The following UCMA variants were observed in gnomAD, a reference collection of about 807,000 sequenced individuals.
The protein encoded by UCMA is upper zone of growth plate and cartilage matrix-associated protein.
UCMA carries 21 observed loss-of-function variants against 21.8 expected under a neutral mutation model. That is an observed-to-expected ratio of 0.97 (90% CI 0.68 to 1.39). UCMA has a LOEUF of 1.39. UCMA is among the 40% of genes most tolerant of loss of function. The pLI is 0.00. For missense variants in UCMA, 193 were observed against 178.9 expected (o/e 1.08, Z -0.45); for synonymous variants, 76 against 67.9 (o/e 1.12, Z -0.58).
At position 13,229,657 on chromosome 10, in the gene UCMA, C is replaced by T; in HGVS notation, c.273G>A (p.Glu91=). The T allele has an allele frequency of 6.2e-7, 1 of 1,614,086 alleles. No homozygotes were observed. Among genetic ancestry groups the T allele is most frequent in the Non-Finnish European group, 8.5e-7 (1 of 1,180,038 alleles). The change falls in exon 4 of 5, where the codon GAG becomes GAA. Residue 91 remains glutamate (E), a synonymous_variant. Coordinates refer to ENST00000378681, the MANE Select transcript of UCMA (RefSeq NM_145314.3). ...AGTTCTCAAATTCATTCCTTTGTTC[C>T]TCGTAATATTCTCTCCGCAGCTCAT... is the stretch of plus-strand genomic sequence containing the variant. ...RVDELRREYY[E]EQRNEFENFV... is the part of the protein sequence containing the mutation.
At chr10:13,227,345 C>A (rs769145174) in intron 4 of UCMA, among the ~76,000 whole-genome samples, 4 of 152,190 alleles carry the variant, frequency 2.6e-5, no homozygotes, top group Non-Finnish European at 5.9e-5. Context: ...GGCCTCACGT[C>A]CAAGTTCACG....
At chr10:13,225,758 G>T (rs1466939108) in intron 4 of UCMA, among the ~76,000 whole-genome samples, 5 of 152,048 alleles carry the variant, frequency 3.3e-5, no homozygotes, top group African/African-American at 1.2e-4. Flanking sequence ...GTATGTCAGG[G>T]GCCTCAGGGG....
rs751883889 is a variant in UCMA at position 13,233,552 on chromosome 10, C to G, written c.206G>C (p.Arg69Thr). Residue 69 changes from arginine (R) to threonine (T), a missense_variant, in exon 3 of 5, where the codon AGA becomes ACA. Transcript: ENST00000378681. ...AGCATCCTTACCATTGACCTCATCT[C>G]TGGACTTGGGGGACCGCTTGCCGCG... Reference protein sequence around the residue: ...KRRGKRSPKSRDEVNVENRQK... With the variant: ...KRRGKRSPKSTDEVNVENRQK... 2 of 1,613,946 alleles carry G rather than the reference C, an allele frequency of 1.2e-6. No homozygotes were observed. The highest frequency in any genetic ancestry group is 3.3e-5 in the Admixed American group (2 of 59,980).
chr10:13,234,115 G>C, intron 1 of UCMA, 86 bp downstream of exon 1: 1 of 1,315,578 alleles, frequency 7.6e-7, no homozygotes, highest in East Asian at 2.5e-5. Flanking sequence ...CTTTCTACCT[G>C]CATCACCTGA....
At chr10:13,231,258 G>A (rs1834896295) in intron 3 of UCMA, among the ~76,000 whole-genome samples, 1 of 152,136 alleles carries the variant, frequency 6.6e-6, no homozygotes, top group South Asian at 2.1e-4. Context: ...GACCTACTTA[G>A]TTGCAGGAAA....
chr10:13,234,131 C>G (rs1834938470), intron 1 of UCMA, 70 bp downstream of exon 1: 1 of 1,471,752 alleles, frequency 6.8e-7, no homozygotes, highest in Non-Finnish European at 9.2e-7. Flanking sequence ...CCTGAGCAGC[C>G]TTACCTGTGC....
At chr10:13,231,034 G>A (rs908614885) in intron 3 of UCMA, among the ~76,000 whole-genome samples, 6 of 151,530 alleles carry the variant, frequency 4.0e-5, no homozygotes, top group African/African-American at 9.7e-5. Flanking sequence ...GCAACAGAGC[G>A]AGACTCTGTC....
intron 4 of UCMA, among the ~76,000 whole-genome samples, chr10:13,224,330 A>C (rs1834796542): frequency 7.0e-6 from 1 of 143,854 alleles, no homozygotes; most frequent in South Asian, 2.6e-4. Context: ...CATCTAAAAA[A>C]GAAAGAAAGG....
At chr10:13,232,099 C>T (rs189731664) in intron 3 of UCMA, among the ~76,000 whole-genome samples, 71 of 152,176 alleles carry the variant, frequency 4.7e-4, no homozygotes, top group African/African-American at 1.6e-3. Context: ...AGAGGCCATG[C>T]GCGGTGGCTC....
chr10:13,233,479 C>CG, intron 3 of UCMA, 59 bp downstream of exon 3: 4 of 1,394,108 alleles, frequency 2.9e-6, no homozygotes, highest in Non-Finnish European at 4.0e-6. Flanking sequence ...GAGGAGGAGC[C>CG]GGGGGGTGTG....
intron 4 of UCMA, 64 bp from the exon 5 acceptor site, chr10:13,222,264 C>T (rs1260066735): frequency 1.3e-6 from 2 of 1,492,478 alleles, no homozygotes; most frequent in Non-Finnish European, 1.8e-6. Context: ...CTGAGCCCAG[C>T]AGCCATCAGC....
rs1368178237 is a variant in UCMA at position 13,233,815 on chromosome 10, C to G, written c.59-15G>C. ...CTCTCTCAGCACTGCAGGACAAGGG[C>G]ACAGAGTGAGGCTGCAGCATCAGAG... On this transcript the variant is annotated splice_polypyrimidine_tract_variant and intron_variant, in intron 1 of 4. Transcript: ENST00000378681. 1 of 1,613,414 alleles carries G rather than the reference C, an allele frequency of 6.2e-7. No homozygotes were observed.
chr10:13,227,493 AG>A (rs1417167330), intron 4 of UCMA, among the ~76,000 whole-genome samples: 1 of 152,150 alleles, frequency 6.6e-6, no homozygotes, highest in Non-Finnish European at 1.5e-5. Flanking sequence ...TGACATGGGC[AG>A]ATTACTTGAG....
At position 13,229,678 on chromosome 10, in the gene UCMA, C is replaced by G. The variant is rs1342512423; in HGVS notation, c.252G>C (p.Glu84Asp). The stretch of plus-strand genomic sequence containing the variant: ...GTTCCTCGTAATATTCTCTCCGCAG[C>G]TCATCAACCCGAAGCTTCTGCCTGT... ...VENRQKLRVD[E>D]LRREYYEEQR... Residue 84 changes from glutamate (E) to aspartate (D), a missense_variant, in exon 4 of 5, where the codon GAG becomes GAC. Coordinates refer to ENST00000378681, the MANE Select transcript of UCMA (RefSeq NM_145314.3). 1.5e-5 allele frequency: 24 copies of G among 1,613,996 alleles called. No homozygotes were observed. The highest frequency in any genetic ancestry group is 2.0e-5 in the Non-Finnish European group (24 of 1,180,034).
chr10:13,227,284 C>A (rs746059819), intron 4 of UCMA, among the ~76,000 whole-genome samples: 9 of 152,174 alleles, frequency 5.9e-5, no homozygotes, highest in Non-Finnish European at 1.0e-4. Context: ...GAGCAAACGG[C>A]CAGGAGAAAT....
intron 3 of UCMA, among the ~76,000 whole-genome samples, chr10:13,233,194 T>C (rs939943114): frequency 3.9e-5 from 6 of 152,034 alleles, no homozygotes; most frequent in Admixed American, 1.3e-4. Flanking sequence ...AGAATATAGA[T>C]TTCCCTCCCT....
chr10:13,229,129 T>A (rs907221368), intron 4 of UCMA, among the ~76,000 whole-genome samples: 6 of 151,920 alleles, frequency 3.9e-5, no homozygotes, highest in Non-Finnish European at 8.8e-5. Context: ...AGAGATGGGG[T>A]TTCGCCATGT....
chr10:13,229,330 A>G (rs1189953470), intron 4 of UCMA, among the ~76,000 whole-genome samples: 1 of 151,898 alleles, frequency 6.6e-6, no homozygotes. Context: ...AGCCTGGCCG[A>G]CATGGCAAAG....
At chr10:13,232,953 A>C (rs1014438359) in intron 3 of UCMA, among the ~76,000 whole-genome samples, 1 of 151,934 alleles carries the variant, frequency 6.6e-6, no homozygotes, top group Non-Finnish European at 1.5e-5. Flanking sequence ...AAAAAAAAAA[A>C]AACCTCTGCT....
Sources: allele counts gnomAD v4.1 joint callset (sites outside exome capture counted in the v4.1 genomes callset), GRCh38; gene constraint gnomAD v4.1.1; transcripts MANE v1.5; gene names NCBI Gene and HGNC (gene_info 2026-07-23, HGNC 2026-07-21).